Variants in GALNT18 observed in about 807,000 individuals in gnomAD.
GALNT18 encodes the protein GalNAc-transferase 18.
A neutral mutation model predicts 69.5 loss-of-function variants in GALNT18; 44 were observed. The observed-to-expected ratio is 0.63, with a 90% CI of 0.50 to 0.81. GALNT18 has a LOEUF of 0.81. Ranked by LOEUF, GALNT18 falls within the 40% of genes least tolerant of loss-of-function variation. GALNT18 has a pLI of 0.00. For synonymous variants in GALNT18, 364 were observed against 318.2 expected (o/e 1.14, Z -1.53); for missense variants, 715 against 810.0 (o/e 0.88, Z 1.42).
rs866139110 is a variant in GALNT18 at position 11,341,611 on chromosome 11, C to T, written c.1093-607G>A. ...AACCTTGGTGAATAGGAGATTGATC[C>T]GAATGCAATTAGATTTTGAAAGATA... On this transcript the variant is annotated intron_variant, in intron 6 of 10. Transcript: ENST00000227756. The surrounding 1 kb of genome is among the most constrained non-coding windows in gnomAD (Gnocchi z 6.3). Among the ~76,000 whole-genome samples the T allele has an allele frequency of 9.2e-5, 14 of 152,248 alleles. No individual in the cohort carries two copies. The East Asian group carries it at 1.4e-3, about 15-fold the overall frequency.
chr11:11,405,697 A>G (rs918378195), intron 3 of GALNT18, among the ~76,000 whole-genome samples: 2 of 152,232 alleles, frequency 1.3e-5, no homozygotes, highest in Non-Finnish European at 2.9e-5. Flanking sequence ...CTTTTGTCCA[A>G]TCTGCAAGCT....
At chr11:11,352,015 C>T (rs1850417036) in intron 6 of GALNT18, 1 of 1,613,336 alleles carries the variant, frequency 6.2e-7, no homozygotes, top group Non-Finnish European at 8.5e-7. Context: ...ACTGGTGAGC[C>T]TGCCAGAGGT....
chr11:11,448,437 A>G (rs1855709266), intron 2 of GALNT18, among the ~76,000 whole-genome samples: 1 of 152,248 alleles, frequency 6.6e-6, no homozygotes. Context: ...AATGCAACTA[A>G]TTGGGTTAAA....
At chr11:11,478,930 AGGTGGCATCTCCCGCG>A (rs1411710299) in intron 1 of GALNT18, among the ~76,000 whole-genome samples, 14 of 7,520 alleles carry the variant, frequency 1.9e-3, no homozygotes, top group African/African-American at 2.9e-3. Flanking sequence ...TCTCCCGCGG[AGGTGGCATCTCCCGCG>A]GAGGTGGCAC....
chr11:11,278,236 A>C (rs1279615986), intron 10 of GALNT18, among the ~76,000 whole-genome samples: 1 of 151,772 alleles, frequency 6.6e-6, no homozygotes, highest in Non-Finnish European at 1.5e-5. Context: ...CCCACCTTTA[A>C]TGTTAGACAG....
intron 1 of GALNT18, among the ~76,000 whole-genome samples, chr11:11,607,147 AATGC>A (rs1191009624): frequency 6.6e-6 from 1 of 152,266 alleles, no homozygotes; most frequent in East Asian, 1.9e-4. Context: ...TACAAAAATC[AATGC>A]ATACTTTCTG....
At chr11:11,578,330 C>CAAAAAAAAAAAAAA (rs57579910) in intron 1 of GALNT18, among the ~76,000 whole-genome samples, 5 of 120,592 alleles carry the variant, frequency 4.1e-5, no homozygotes, top group African/African-American at 1.8e-4. Flanking sequence ...TAAAAAGAAC[C>CAAAAAAAAAAAAAA]AAAAAAAAAA....
At chr11:11,305,438 C>T (rs1849562276) in intron 9 of GALNT18, among the ~76,000 whole-genome samples, 1 of 152,208 alleles carries the variant, frequency 6.6e-6, no homozygotes. Context: ...AAATGCAATG[C>T]ATGCTCTTAA....
intron 1 of GALNT18, among the ~76,000 whole-genome samples, chr11:11,593,159 C>A (rs548135170): frequency 6.6e-6 from 1 of 152,174 alleles, no homozygotes; most frequent in Non-Finnish European, 1.5e-5. Flanking sequence ...GTGATCCGCC[C>A]GCCTCGGCCT....
chr11:11,372,940 C>T lies in GALNT18; in HGVS notation c.978-311G>A, dbSNP rs1013859279. ...TCTAGGTTGACTGTATCTCCCGCTG[C>T]CCTGACCCTGACCTCTGCACAGCCA... On this transcript the variant is annotated intron_variant, in intron 5 of 10. Transcript: ENST00000227756. This position sits in a 1 kb window ranked among gnomAD's most constrained non-coding sequence, Gnocchi z 4.9. 1.3e-5 allele frequency among the ~76,000 whole-genome samples: 2 copies of T among 152,066 alleles called. No homozygotes were observed. Among genetic ancestry groups the T allele is most frequent in the Admixed American group, 6.5e-5 (1 of 15,268 alleles).
intron 10 of GALNT18, among the ~76,000 whole-genome samples, chr11:11,276,722 G>T (rs546673216): frequency 6.6e-6 from 1 of 151,670 alleles, no homozygotes; most frequent in African/African-American, 2.4e-5. Flanking sequence ...TGGCATGAAG[G>T]GGTATTGAAT....
intron 2 of GALNT18, among the ~76,000 whole-genome samples, chr11:11,433,907 G>A (rs373621174): frequency 6.6e-5 from 10 of 152,286 alleles, no homozygotes; most frequent in African/African-American, 1.2e-4. Flanking sequence ...GCTCCAGGGC[G>A]TTAGGGCTGG....
intron 10 of GALNT18, among the ~76,000 whole-genome samples, chr11:11,278,328 C>G (rs568503331): frequency 1.4e-5 from 2 of 146,802 alleles, no homozygotes; most frequent in South Asian, 2.3e-4. Context: ...AACACATGGA[C>G]ACGGCAGGGA....
At position 11,448,847 on chromosome 11, in the gene GALNT18, C is replaced by T. The variant is rs770687613; in HGVS notation, c.325G>A (p.Gly109Ser). The change falls in exon 2 of 11, where the codon GGC (glycine) becomes AGC (serine). Residue 109 changes from glycine (G) to serine (S), a missense_variant. Physicochemically the swap from Gly to Ser is moderately conservative, Grantham distance 56 (BLOSUM62 0). Coordinates refer to ENST00000227756, the MANE Select transcript of GALNT18 (RefSeq NM_198516.3). The part of the protein sequence containing the change: ...AHWGQELSPE[G>S]RRVALKQFQY... ...AATTGCTTCAGGGCCACGCGCCGGC[C>T]TTCGGGGCTGAGCTCCTGGCCCCAG... is the stretch of plus-strand genomic sequence containing the variant. 3.1e-6 allele frequency: 5 copies of T among 1,611,570 alleles called. No homozygotes were observed. The highest frequency in any genetic ancestry group is 4.2e-6 in the Non-Finnish European group (5 of 1,178,986).
At chr11:11,460,962 T>C (rs1478419417) in intron 1 of GALNT18, among the ~76,000 whole-genome samples, 1 of 152,206 alleles carries the variant, frequency 6.6e-6, no homozygotes, top group Non-Finnish European at 1.5e-5. Context: ...TACAGGAATT[T>C]GGCCCTGCAC....
intron 10 of GALNT18, among the ~76,000 whole-genome samples, chr11:11,286,963 GC>G (rs1024020656): frequency 2.6e-5 from 4 of 152,116 alleles, no homozygotes; most frequent in African/African-American, 4.8e-5. Context: ...AAATCACCCA[GC>G]CCAACTCCAC....
intron 3 of GALNT18, among the ~76,000 whole-genome samples, chr11:11,381,048 C>T (rs1253075680): frequency 3.3e-5 from 5 of 152,172 alleles, no homozygotes; most frequent in Non-Finnish European, 7.3e-5. Flanking sequence ...GCAGTCCATA[C>T]GGAAATGACC....
At chr11:11,443,630 C>T (rs1443806739) in intron 2 of GALNT18, among the ~76,000 whole-genome samples, 2 of 152,138 alleles carry the variant, frequency 1.3e-5, no homozygotes, top group Non-Finnish European at 2.9e-5. Flanking sequence ...GGGATGGAGC[C>T]GGGTCCAGCC....
At chr11:11,476,727 T>G (rs2133862455) in intron 1 of GALNT18, among the ~76,000 whole-genome samples, 1 of 152,288 alleles carries the variant, frequency 6.6e-6, no homozygotes. Flanking sequence ...TCATAGCAAC[T>G]TGGGCATGAT....
Sources: allele counts gnomAD v4.1 joint callset (sites outside exome capture counted in the v4.1 genomes callset), GRCh38; gene constraint gnomAD v4.1.1; non-coding constraint Gnocchi (gnomAD v3.1); transcripts MANE v1.5; gene names NCBI Gene and HGNC (gene_info 2026-07-23, HGNC 2026-07-21).